Variants in INTU observed in about 807,000 individuals in gnomAD.
INTU encodes the protein protein inturned.
A neutral mutation model predicts 100.5 loss-of-function variants in INTU; 68 were observed. The ratio of observed to expected loss-of-function variants is 0.68; its 90% CI spans 0.56 to 0.83. INTU has a LOEUF of 0.83. INTU is among the 40% of genes least tolerant of loss of function. The pLI, the probability that INTU is intolerant of heterozygous loss-of-function variation, is 0.00. For synonymous variants in INTU, 357 were observed against 395.7 expected, an observed-to-expected ratio of 0.90 and a Z score of 1.16; for missense variants, 1,071 against 1,114.7, an observed-to-expected ratio of 0.96 and a Z score of 0.56.
intron 1 of INTU, among the ~76,000 whole-genome samples, chr4:127,633,650 AT>A (rs749509617): frequency 2.0e-5 from 3 of 152,220 alleles, no homozygotes; most frequent in Non-Finnish European, 4.4e-5. Flanking sequence ...GAATAGCTAT[AT>A]AACAGAAGGA....
At chr4:127,653,410 T>C (rs1179915582) in intron 2 of INTU, among the ~76,000 whole-genome samples, 4 of 145,020 alleles carry the variant, frequency 2.8e-5, no homozygotes, top group African/African-American at 7.7e-5. Flanking sequence ...CCAGAGATTC[T>C]GGTATGTTGT....
rs371180591 is a variant in INTU at position 127,714,006 on chromosome 4, A to G, written c.2630A>G (p.Lys877Arg). ...AKSVSSLNPVKEHGVLFECSP... is the reference protein window; with the variant it reads ...AKSVSSLNPVREHGVLFECSP... ...TCAGTGTCTTCTCTTAACCCTGTTA[A>G]AGAACATGGTGTGTTGTTTGAATGT... The change falls in exon 15 of 16, where the codon AAA (lysine) becomes AGA (arginine). Residue 877 changes from lysine to arginine, a missense_variant. By Grantham distance (26) the Lys-to-Arg change is conservative. Coordinates refer to ENST00000335251, the MANE Select transcript of INTU (RefSeq NM_015693.4). 7.1e-5 allele frequency: 114 copies of G among 1,612,652 alleles called. No homozygotes were observed. Among genetic ancestry groups the G allele is most frequent in the Non-Finnish European group, 9.2e-5 (108 of 1,178,922 alleles).
intron 13 of INTU, 25 bp downstream of exon 13, chr4:127,708,693 C>A: frequency 8.2e-7 from 1 of 1,225,044 alleles, no homozygotes; most frequent in Non-Finnish European, 1.2e-6. Context: ...TATTCTTGTT[C>A]ACTTAAACTC....
At position 127,684,619 on chromosome 4, in the gene INTU, C is replaced by CTCTTCCTTCCTCTTCCTCCTCCTCCT. The variant is rs1560861791; in HGVS notation, c.1259+143_1259+168dup. Reference sequence around the variant, plus strand: ...CTCCTCCCTCCCCTCTTTCCTCCTCCTCTTCCTTCCTCTTCCTCCTCCTCC... The same window carrying CTCTTCCTTCCTCTTCCTCCTCCTCCT: ...CTCCTCCCTCCCCTCTTTCCTCCTCCTCTTCCTTCCTCTTCCTCCTCCTCCTTCTTCCTTCCTCTTCCTCCTCCTCC... On this transcript the variant is annotated intron_variant, in intron 7 of 15. Coordinates refer to ENST00000335251, the MANE Select transcript of INTU (RefSeq NM_015693.4). 9.6e-5 allele frequency: 50 copies of CTCTTCCTTCCTCTTCCTCCTCCTCCT among 522,808 alleles called. No individual in the cohort carries two copies. In the East Asian group the frequency reaches 1.6e-3, roughly 17 times the overall value. The allele number at this position is 522,808 out of a possible 1,614,324, so 32.4% of individuals were successfully genotyped here.
At chr4:127,654,656 T>C (rs1728090711) in intron 2 of INTU, among the ~76,000 whole-genome samples, 1 of 149,968 alleles carries the variant, frequency 6.7e-6, no homozygotes, top group Non-Finnish European at 1.5e-5. Context: ...GCCCTTAACA[T>C]TTTTTCCTTC....
intron 2 of INTU, among the ~76,000 whole-genome samples, chr4:127,655,184 C>T (rs1337376027): frequency 6.6e-6 from 1 of 151,760 alleles, no homozygotes; most frequent in Non-Finnish European, 1.5e-5. Context: ...TCTCGTAGCT[C>T]AGAGTAATTT....
chr4:127,697,388 A>AT (rs1469059477), intron 8 of INTU, among the ~76,000 whole-genome samples: 2 of 151,996 alleles, frequency 1.3e-5, no homozygotes, highest in Admixed American at 6.6e-5. Context: ...TGTTCTAAAT[A>AT]TTTTTTTAAA....
intron 6 of INTU, among the ~76,000 whole-genome samples, chr4:127,674,668 T>C (rs1020554492): frequency 6.6e-6 from 1 of 152,242 alleles, no homozygotes; most frequent in Non-Finnish European, 1.5e-5. Context: ...GTACATCTTA[T>C]ATTATCATGG....
chr4:127,687,956 T>A (rs1729910122), intron 8 of INTU, 89 bp downstream of exon 8: 1 of 951,924 alleles, frequency 1.1e-6, no homozygotes, highest in South Asian at 3.0e-5. Flanking sequence ...TTTTTGTTAT[T>A]TTTGGAATTA....
intron 5 of INTU, among the ~76,000 whole-genome samples, chr4:127,672,045 A>T (rs1193508256): frequency 6.6e-6 from 1 of 152,096 alleles, no homozygotes; most frequent in Non-Finnish European, 1.5e-5. Flanking sequence ...TAATGGATAC[A>T]ATGTACACTC....
At chr4:127,650,057 C>A (rs558535742) in intron 2 of INTU, among the ~76,000 whole-genome samples, 1 of 152,160 alleles carries the variant, frequency 6.6e-6, no homozygotes, top group African/African-American at 2.4e-5. Flanking sequence ...GAAATTTTTA[C>A]CAAACATGCA....
chr4:127,657,400 T>A (rs566475173), intron 3 of INTU, among the ~76,000 whole-genome samples: 103 of 152,256 alleles, frequency 6.8e-4, no homozygotes, highest in Admixed American at 1.2e-3. Context: ...GGAATTAGCA[T>A]TCTCTTTTTG....
intron 7 of INTU, 94 bp from the exon 8 acceptor site, chr4:127,687,584 A>C (rs1729881253): frequency 1.2e-6 from 1 of 868,906 alleles, no homozygotes; most frequent in African/African-American, 1.7e-5. Flanking sequence ...AAGATAGCCT[A>C]TGTAGTTGGG....
At position 127,705,725 on chromosome 4, in the gene INTU, T is replaced by G; in HGVS notation, c.1701T>G (p.Pro567=). The G allele has an allele frequency of 6.2e-7, 1 of 1,614,064 alleles. No individual in the cohort carries two copies. The highest frequency in any genetic ancestry group is 8.5e-7 in the Non-Finnish European group (1 of 1,179,932). ...GQLIIWREVF[P]QHHLRPLADS... ...TGATCATATGGAGAGAAGTGTTTCC[T>G]CAGCATCACCTCCGACCTTTGGCAG... The change falls in exon 11 of 16, where the codon CCT becomes CCG. Residue 567 remains proline, a synonymous_variant. Coordinates refer to ENST00000335251, the MANE Select transcript of INTU (RefSeq NM_015693.4).
At chr4:127,701,009 A>G (rs1730624136) in intron 9 of INTU, among the ~76,000 whole-genome samples, 1 of 152,306 alleles carries the variant, frequency 6.6e-6, no homozygotes, top group South Asian at 2.1e-4. Context: ...GCAGTCCCTC[A>G]ATGAATTAAT....
At chr4:127,679,201 GA>G (rs1729389681) in intron 6 of INTU, among the ~76,000 whole-genome samples, 1 of 152,156 alleles carries the variant, frequency 6.6e-6, no homozygotes, top group East Asian at 1.9e-4. Context: ...CAATGAGACA[GA>G]AAGTTAACAA....
At chr4:127,702,979 G>A (rs1730714443) in intron 9 of INTU, among the ~76,000 whole-genome samples, 1 of 152,102 alleles carries the variant, frequency 6.6e-6, no homozygotes, top group African/African-American at 2.4e-5. Flanking sequence ...CAGCCCCACA[G>A]TTCCCAACTA....
chr4:127,677,401 A>G (rs1387008758), intron 6 of INTU, among the ~76,000 whole-genome samples: 1 of 150,604 alleles, frequency 6.6e-6, no homozygotes, highest in African/African-American at 2.5e-5. Context: ...CTCTGAGACA[A>G]AATTCCAGAG....
chr4:127,700,547 A>G (rs1730603105), intron 9 of INTU, among the ~76,000 whole-genome samples: 1 of 152,202 alleles, frequency 6.6e-6, no homozygotes, highest in African/African-American at 2.4e-5. Context: ...ACTCCTCAAG[A>G]ATTGGCTCAT....
Sources: allele counts gnomAD v4.1 joint callset (sites outside exome capture counted in the v4.1 genomes callset), GRCh38; gene constraint gnomAD v4.1.1; transcripts MANE v1.5; gene names NCBI Gene and HGNC (gene_info 2026-07-23, HGNC 2026-07-21).